CASK: variants seen among roughly 807,000 people sequenced by gnomAD.
CASK encodes the protein calcium/calmodulin dependent serine protein kinase.
A neutral mutation model predicts 82.9 loss-of-function variants in CASK; 4 were observed. The ratio of observed to expected loss-of-function variants is 0.05; its 90% CI spans 0.02 to 0.11. The LOEUF is 0.11. Ranked by LOEUF, CASK falls within the 10% of genes least tolerant of loss-of-function variation. CASK has a pLI of 1.00. For synonymous variants in CASK, 259 were observed against 253.5 expected, an observed-to-expected ratio of 1.02 and a Z score of -0.20; for missense variants, 358 against 720.9, an observed-to-expected ratio of 0.50 and a Z score of 5.76.
At chrX:41,885,668 T>G (rs1383217101) in intron 1 of CASK, among the ~76,000 whole-genome samples, 1 of 112,011 alleles carries the variant, frequency 8.9e-6, no homozygotes, top group Non-Finnish European at 1.9e-5. Context: ...CATCTAAAAT[T>G]AAATCTATTT....
intron 3 of CASK, among the ~76,000 whole-genome samples, chrX:41,784,404 C>T (rs1344386096): frequency 8.9e-6 from 1 of 112,166 alleles, no homozygotes; most frequent in East Asian, 2.8e-4. Flanking sequence ...ACAGGGATGT[C>T]CATTTAACAC....
At chrX:41,793,799 A>T (rs1245623340) in intron 2 of CASK, among the ~76,000 whole-genome samples, 2 of 112,081 alleles carry the variant, frequency 1.8e-5, no homozygotes, top group African/African-American at 6.5e-5. Context: ...TGACCAAATG[A>T]TACTTTAAGA....
intron 2 of CASK, among the ~76,000 whole-genome samples, chrX:41,812,008 G>T (rs1314388024): frequency 1.2e-4 from 13 of 110,692 alleles, no homozygotes; most frequent in Non-Finnish European, 2.1e-4. Flanking sequence ...ATAAATTCCT[G>T]GACACATACA....
rs767517473 is a variant in CASK, at chrX:41,714,699, G to T, written c.429+24685C>A. The stretch of plus-strand genomic sequence containing the variant: ...TGCAGTAGAGAATTTCCACTTGGGG[G>T]TATTTACTACCTTGCTATGGGACAT... On this transcript the variant is annotated intron_variant, in intron 5 of 26. Transcript: ENST00000378163. 5.4e-5 allele frequency among the ~76,000 whole-genome samples: 6 copies of T among 111,589 alleles called. No individual in the cohort carries two copies. In the East Asian group the frequency reaches 8.4e-4, roughly 16 times the overall value.
intron 2 of CASK, among the ~76,000 whole-genome samples, chrX:41,796,045 C>G (rs2069844546): frequency 9.0e-6 from 1 of 111,604 alleles, no homozygotes; most frequent in Admixed American, 9.5e-5. Context: ...GTTCTGAGAA[C>G]CCACCCTCAT....
chrX:41,648,477 T>C (rs992276710), intron 8 of CASK, among the ~76,000 whole-genome samples: 6 of 111,275 alleles, frequency 5.4e-5, no homozygotes, highest in African/African-American at 2.0e-4. Context: ...CCACACCTAT[T>C]CGCATACTCC....
At chrX:41,530,304 C>G (rs1340944284) in intron 25 of CASK, among the ~76,000 whole-genome samples, 1 of 111,669 alleles carries the variant, frequency 9.0e-6, no homozygotes, top group Non-Finnish European at 1.9e-5. Context: ...TGATGTAAAG[C>G]CTTCAGCTTT....
At chrX:41,797,069 G>A (rs2069869976) in intron 2 of CASK, among the ~76,000 whole-genome samples, 1 of 111,023 alleles carries the variant, frequency 9.0e-6, no homozygotes, top group African/African-American at 3.3e-5. Context: ...CTTAACTAGG[G>A]TTCACAGACC....
chrX:41,754,682 A>C (rs765120765), intron 3 of CASK, among the ~76,000 whole-genome samples: 1 of 111,628 alleles, frequency 9.0e-6, no homozygotes, highest in African/African-American at 3.3e-5. Context: ...TGCAGAAATA[A>C]AAGATGATAC....
intron 1 of CASK, among the ~76,000 whole-genome samples, chrX:41,916,363 C>T (rs972657488): frequency 8.9e-6 from 1 of 111,756 alleles, no homozygotes; most frequent in African/African-American, 3.3e-5. Context: ...TCTATACTGA[C>T]TTGGGCTCTA....
At chrX:41,588,726 T>C (rs1418030070) in intron 13 of CASK, among the ~76,000 whole-genome samples, 2 of 107,052 alleles carry the variant, frequency 1.9e-5, no homozygotes, top group East Asian at 2.9e-4. Flanking sequence ...GCACAAAGAC[T>C]GACATGATCA....
intron 6 of CASK, among the ~76,000 whole-genome samples, chrX:41,666,188 C>T (rs1569380590): frequency 8.9e-6 from 1 of 112,150 alleles, no homozygotes; most frequent in Non-Finnish European, 1.9e-5. Flanking sequence ...CCATTCAATC[C>T]TCTTTGACTT....
chrX:41,901,669 C>T (rs776792268), intron 1 of CASK, among the ~76,000 whole-genome samples: 6 of 111,071 alleles, frequency 5.4e-5, no homozygotes, highest in South Asian at 3.9e-4. Flanking sequence ...GACAGGCCTA[C>T]GGCTTGAGTT....
At chrX:41,613,245 AAAG>A (rs1183903834) in intron 11 of CASK, among the ~76,000 whole-genome samples, 1 of 109,868 alleles carries the variant, frequency 9.1e-6, no homozygotes, top group Non-Finnish European at 1.9e-5. Flanking sequence ...GTCTGTGTAG[AAAG>A]AAGTAGACAT....
chrX:41,866,292 T>C (rs376713093), intron 1 of CASK, among the ~76,000 whole-genome samples: 2 of 112,391 alleles, frequency 1.8e-5, no homozygotes, highest in East Asian at 2.8e-4. Flanking sequence ...CTTAGGTCTT[T>C]GTTGGGCTTT....
chrX:41,747,280 T>C lies in CASK; in HGVS notation c.279-1679A>G, dbSNP rs140765687. The stretch of plus-strand genomic sequence containing the variant: ...ATAGTTGCCTAGTCTACTATAAACA[T>C]TATTATAATGGTCTAGTCTACTCCC... On this transcript the variant is annotated intron_variant, in intron 3 of 26. Coordinates refer to ENST00000378163, the MANE Select transcript of CASK (RefSeq NM_001367721.1). Among the ~76,000 whole-genome samples the C allele has an allele frequency of 1.2e-3, 135 of 111,288 alleles. 2 individuals are homozygous for C. The highest frequency in any genetic ancestry group is 4.3e-3 in the African/African-American group (131 of 30,562).
intron 16 of CASK, among the ~76,000 whole-genome samples, chrX:41,568,594 C>T (rs2147176388): frequency 8.9e-6 from 1 of 111,982 alleles, no homozygotes; most frequent in African/African-American, 3.2e-5. Flanking sequence ...ATTTTTGGAA[C>T]ATCCTCTAAA....
chrX:41,727,328 C>A, intron 5 of CASK: 1 of 1,206,411 alleles, frequency 8.3e-7, no homozygotes, highest in Non-Finnish European at 1.1e-6. Context: ...TCCATGCATG[C>A]AAGTATGTTT....
At chrX:41,632,228 C>G (rs1414060010) in intron 9 of CASK, among the ~76,000 whole-genome samples, 1 of 112,384 alleles carries the variant, frequency 8.9e-6, no homozygotes, top group Non-Finnish European at 1.9e-5. Flanking sequence ...TGCCTTTGTA[C>G]AAACCCTTAC....
Sources: gnomAD v4.1 joint callset for allele counts (sites outside exome capture counted in the v4.1 genomes callset) on GRCh38, gnomAD v4.1.1 for gene constraint, MANE v1.5 for transcripts, NCBI Gene and HGNC (gene_info 2026-07-23, HGNC 2026-07-21) for gene names.